Variants in DNTTIP1 observed in about 807,000 individuals in gnomAD.
DNTTIP1 encodes the protein deoxynucleotidyltransferase terminal interacting protein 1.
DNTTIP1 carries 22 observed loss-of-function variants against 52.9 expected under a neutral mutation model. The observed-to-expected ratio is 0.42, with a 90% confidence interval of 0.30 to 0.59. The LOEUF is 0.59. DNTTIP1 is among the 20% of genes least tolerant of loss of function. The pLI is 0.22. For synonymous variants in DNTTIP1, 136 were observed against 155.1 expected (o/e 0.88, Z 0.92); for missense variants, 286 against 435.5 (o/e 0.66, Z 3.06).
intron 10 of DNTTIP1, among the ~76,000 whole-genome samples, chr20:45,805,901 T>G (rs766483660): frequency 1.3e-5 from 2 of 151,956 alleles, no homozygotes; most frequent in East Asian, 1.9e-4. Context: ...CTGACCAACA[T>G]GGAGAAACCC....
chr20:45,809,497 A>G lies in DNTTIP1; in HGVS notation c.795+312A>G, dbSNP rs549099175. Among the ~76,000 whole-genome samples the G allele has an allele frequency of 3.5e-4, 54 of 152,176 alleles. No individual in the cohort carries two copies. The highest frequency in any genetic ancestry group is 5.4e-4 in the Non-Finnish European group (37 of 68,022). On this transcript the variant is annotated intron_variant, in intron 11 of 12. Transcript: ENST00000372622. The surrounding 1 kb of genome is among the most constrained non-coding windows in gnomAD (Gnocchi z 4.2). The stretch of plus-strand genomic sequence containing the variant: ...ACACACAGTACTACTTTTTCCCACT[A>G]CTGCACCCACTGACAGATTTCACTC...
intron 8 of DNTTIP1, among the ~76,000 whole-genome samples, chr20:45,804,870 C>T (rs1451037996): frequency 6.6e-6 from 1 of 152,216 alleles, no homozygotes; most frequent in Non-Finnish European, 1.5e-5. Context: ...AGACCCTGCA[C>T]TCACTTGTGT....
intron 11 of DNTTIP1, among the ~76,000 whole-genome samples, chr20:45,810,531 A>G (rs1235122950): frequency 1.3e-5 from 2 of 150,764 alleles, no homozygotes; most frequent in African/African-American, 4.9e-5. Context: ...ATCTTAACCA[A>G]AAGGTGTAGG....
At chr20:45,802,251 G>A (rs767984941) in intron 7 of DNTTIP1, among the ~76,000 whole-genome samples, 194 bp downstream of exon 7, 9 of 152,128 alleles carry the variant, frequency 5.9e-5, no homozygotes, top group East Asian at 1.9e-4. Context: ...CCCCCTGAAC[G>A]GTTTGGCCCA....
chr20:45,795,429 A>C lies in DNTTIP1; in HGVS notation c.358A>C (p.Ser120Arg). 1 of 1,606,148 alleles carries C rather than the reference A, an allele frequency of 6.2e-7. No individual in the cohort carries two copies. The highest frequency in any genetic ancestry group is 1.1e-5 in the South Asian group (1 of 89,728). ...AEQLIQEACR[S>R]CLEQAKLLFS... ...GCAGCTGATCCAGGAAGCCTGTCGG[A>C]GCTGCCTGGAGCAGGTGAGACCAAA... The change falls in exon 4 of 13, where the codon AGC (serine) becomes CGC (arginine). Residue 120 changes from serine to arginine, a missense_variant. Ser to Arg is a moderately radical substitution (Grantham distance 110). This residue lies in a region of DNTTIP1 where 208 missense variants were observed against 266.5 expected (regional missense o/e 0.78). Coordinates refer to ENST00000372622, the MANE Select transcript of DNTTIP1 (RefSeq NM_052951.3).
intron 4 of DNTTIP1, chr20:45,796,334 C>A: frequency 5.3e-6 from 2 of 380,316 alleles, no homozygotes; most frequent in South Asian, 4.0e-5. Flanking sequence ...TATACCATTT[C>A]TGTTTATCAA....
chr20:45,809,911 AAAAG>A lies in DNTTIP1; in HGVS notation c.795+728_795+731del, dbSNP rs1477452512. 6.6e-6 allele frequency among the ~76,000 whole-genome samples: 1 copy of A among 152,226 alleles called. No individual in the cohort carries two copies. The highest frequency in any genetic ancestry group is 1.9e-4 in the East Asian group (1 of 5,204). On this transcript the variant is annotated intron_variant, in intron 11 of 12. Coordinates refer to ENST00000372622, the MANE Select transcript of DNTTIP1 (RefSeq NM_052951.3). This position sits in a 1 kb window ranked among gnomAD's most constrained non-coding sequence, Gnocchi z 4.2. ...TATTTATGCCTATGCTTTACTTCAAAAAAGATTTCAGGTAAGCTTCATGCACATA... is the reference window on the plus strand; with the variant it reads ...TATTTATGCCTATGCTTTACTTCAAAATTTCAGGTAAGCTTCATGCACATA...
chr20:45,810,917 C>A lies in DNTTIP1; in HGVS notation c.828C>A (p.Asp276Glu), dbSNP rs764211162. 6.2e-7 allele frequency: 1 copy of A among 1,614,222 alleles called. No homozygotes were observed. Among genetic ancestry groups the A allele is most frequent in the Non-Finnish European group, 8.5e-7 (1 of 1,180,036 alleles). ...AYLLIEEDIR[D>E]LAASDDYRGC... ...TCCTCATCGAGGAGGACATCCGGGA[C>A]CTTGCGGCCAGTGATGATTACAGGT... The change falls in exon 12 of 13, where the codon GAC (aspartate) becomes GAA (glutamate). Residue 276 changes from aspartate to glutamate, a missense_variant. Asp to Glu is a conservative substitution (Grantham distance 45). Transcript: ENST00000372622.
chr20:45,794,866 C>T (rs1981182293), intron 3 of DNTTIP1, among the ~76,000 whole-genome samples: 1 of 148,920 alleles, frequency 6.7e-6, no homozygotes, highest in Non-Finnish European at 1.5e-5. Context: ...GTGGCACGGT[C>T]TTGGCTCACT....
intron 4 of DNTTIP1, among the ~76,000 whole-genome samples, chr20:45,800,399 C>A (rs1329888557): frequency 6.6e-6 from 1 of 151,552 alleles, no homozygotes; most frequent in Non-Finnish European, 1.5e-5. Context: ...TGTGGCTGGG[C>A]GTGGTGGCTC....
intron 10 of DNTTIP1, among the ~76,000 whole-genome samples, chr20:45,806,262 A>G (rs1038404486): frequency 2.6e-5 from 4 of 151,750 alleles, no homozygotes; most frequent in African/African-American, 9.7e-5. Flanking sequence ...AGGCTGAGGC[A>G]GGAGAATCGC....
chr20:45,792,824 G>C (rs969416206), intron 2 of DNTTIP1, 77 bp downstream of exon 2: 8 of 1,322,416 alleles, frequency 6.0e-6, no homozygotes, highest in African/African-American at 5.9e-5. Flanking sequence ...AGTGCACAAG[G>C]CTATGGAGAT....
intron 7 of DNTTIP1, 132 bp downstream of exon 7, chr20:45,802,189 T>C: frequency 1.0e-6 from 1 of 988,014 alleles, no homozygotes; most frequent in Non-Finnish European, 1.6e-6. Context: ...GGAGGGGGGT[T>C]ATCCTGGTTG....
intron 11 of DNTTIP1, among the ~76,000 whole-genome samples, chr20:45,810,090 AAATTCAG>A (rs1406490381): frequency 6.6e-6 from 1 of 152,188 alleles, no homozygotes; most frequent in East Asian, 1.9e-4. Flanking sequence ...AGATGTTGGC[AAATTCAG>A]CTGTAGGCCC....
intron 4 of DNTTIP1, among the ~76,000 whole-genome samples, chr20:45,800,708 T>A (rs1170924739): frequency 0.11 from 236 of 2,212 alleles, 28 homozygotes; most frequent in African/African-American, 0.21. Context: ...TATATATATA[T>A]ATATATATAT....
rs576405904 is a variant in DNTTIP1, at chr20:45,796,949, G to T, written c.372+1506G>T. 4.6e-5 allele frequency among the ~76,000 whole-genome samples: 7 copies of T among 152,050 alleles called. No individual in the cohort carries two copies. In the South Asian group the frequency reaches 1.5e-3, roughly 32 times the overall value. On this transcript the variant is annotated intron_variant, in intron 4 of 12. Coordinates refer to ENST00000372622, the MANE Select transcript of DNTTIP1 (RefSeq NM_052951.3). ...TGCCTACTCTTCTCTCTCACCCCCC[G>T]CCTCTAACTGTTGGTGCCTTCCCAA...
intron 3 of DNTTIP1, among the ~76,000 whole-genome samples, chr20:45,794,353 G>T (rs1403078824): frequency 3.3e-5 from 5 of 151,822 alleles, no homozygotes; most frequent in Non-Finnish European, 7.4e-5. Flanking sequence ...TTCACTGTTG[G>T]CCAGGCTGGT....
intron 3 of DNTTIP1, 115 bp downstream of exon 3, chr20:45,794,132 C>T: frequency 1.7e-6 from 1 of 585,248 alleles, no homozygotes; most frequent in Non-Finnish European, 2.8e-6. Flanking sequence ...GTTTTCCTTT[C>T]TTGTTGTTTT....
At chr20:45,796,153 C>T (rs1455283220) in intron 4 of DNTTIP1, among the ~76,000 whole-genome samples, 1 of 152,106 alleles carries the variant, frequency 6.6e-6, no homozygotes, top group African/African-American at 2.4e-5. Context: ...ATCTGATGTA[C>T]AGCATGATGA....
Sources: allele counts gnomAD v4.1 joint callset (sites outside exome capture counted in the v4.1 genomes callset), GRCh38; gene constraint gnomAD v4.1.1; regional missense constraint gnomAD v4.1.1; non-coding constraint Gnocchi (gnomAD v3.1); transcripts MANE v1.5; gene names NCBI Gene and HGNC (gene_info 2026-07-23, HGNC 2026-07-21).